The following CSMD1 variants were observed in gnomAD, a reference collection of about 807,000 sequenced individuals.
The protein encoded by CSMD1 is CUB and sushi domain-containing protein 1.
A neutral mutation model predicts 417.5 loss-of-function variants in CSMD1; 213 were observed. The ratio of observed to expected loss-of-function variants is 0.51; its 90% CI spans 0.46 to 0.57. The LOEUF (loss-of-function observed/expected upper bound fraction) is 0.57. CSMD1 is among the 20% of genes least tolerant of loss of function. CSMD1 has a pLI of 0.00. For synonymous variants in CSMD1, 2,862 were observed against 1,736.8 expected, an observed-to-expected ratio of 1.65 and a Z score of -16.11; for missense variants, 6,923 against 4,529.7, an observed-to-expected ratio of 1.53 and a Z score of -15.17.
intron 7 of CSMD1, among the ~76,000 whole-genome samples, chr8:3,639,311 G>A (rs1005249728): frequency 6.6e-6 from 1 of 152,168 alleles, no homozygotes; most frequent in African/African-American, 2.4e-5. Flanking sequence ...TGCTTGGGGT[G>A]TTGTTTCATT....
At chr8:3,453,982 G>C (rs890018390) in intron 12 of CSMD1, among the ~76,000 whole-genome samples, 12 of 152,110 alleles carry the variant, frequency 7.9e-5, no homozygotes, top group African/African-American at 1.2e-4. Context: ...CTTGCTTTAT[G>C]AATCTGGGTG....
intron 3 of CSMD1, among the ~76,000 whole-genome samples, chr8:4,045,508 C>A (rs544963118): frequency 6.6e-6 from 1 of 152,276 alleles, no homozygotes; most frequent in African/African-American, 2.4e-5. Flanking sequence ...AAGACCAGAT[C>A]CAGGGACATC....
At position 4,295,671 on chromosome 8, in the gene CSMD1, T is replaced by C. The variant is rs894417682; in HGVS notation, c.415+124282A>G. On this transcript the variant is annotated intron_variant, in intron 3 of 69. Transcript: ENST00000635120. Reference sequence around the variant, plus strand: ...ATAAAAATATAATCTTAAGATTACATATGTTATATTATACATGTTATATAT... The same window carrying C: ...ATAAAAATATAATCTTAAGATTACACATGTTATATTATACATGTTATATAT... 9.0e-3 allele frequency among the ~76,000 whole-genome samples: 1,302 copies of C among 144,152 alleles called. 19 individuals carry two copies. The highest frequency in any genetic ancestry group is 0.032 in the African/African-American group (1,260 of 39,584). 94.6% of individuals were successfully genotyped at this position (144,152 alleles called of 152,430 possible).
chr8:3,665,555 T>C lies in CSMD1; in HGVS notation c.1009+42859A>G, dbSNP rs75192731. ...AAGATATATATATTTGTCAGGAAAA[T>C]AATTAGTATCTTGATTCCTTACTAT... On this transcript the variant is annotated intron_variant, in intron 7 of 69. Coordinates refer to ENST00000635120, the MANE Select transcript of CSMD1 (RefSeq NM_033225.6). 6.7e-3 allele frequency among the ~76,000 whole-genome samples: 1,019 copies of C among 152,068 alleles called. 45 individuals are homozygous for C. The East Asian group carries it at 0.13, about 20-fold the overall frequency.
At chr8:3,270,771 T>C (rs1801786844) in intron 26 of CSMD1, among the ~76,000 whole-genome samples, 1 of 152,178 alleles carries the variant, frequency 6.6e-6, no homozygotes, top group African/African-American at 2.4e-5. Context: ...ATTAGTCTGT[T>C]TTCATGCTGC....
chr8:3,365,863 T>A (rs1337450815), intron 20 of CSMD1, among the ~76,000 whole-genome samples: 9 of 152,208 alleles, frequency 5.9e-5, no homozygotes, highest in African/African-American at 2.2e-4. Context: ...TGGAACATCA[T>A]CTTACTTATG....
chr8:3,462,617 A>C (rs13277529), intron 12 of CSMD1, among the ~76,000 whole-genome samples: 1 of 152,052 alleles, frequency 6.6e-6, no homozygotes, highest in East Asian at 1.9e-4. Flanking sequence ...AGGGCTCCCA[A>C]TGATTCTACA....
intron 1 of CSMD1, among the ~76,000 whole-genome samples, chr8:4,896,757 G>T (rs1029365231): frequency 6.6e-6 from 1 of 152,056 alleles, no homozygotes; most frequent in African/African-American, 2.4e-5. Flanking sequence ...CAAGATTGAA[G>T]GAATAAGGGA....
chr8:4,564,005 G>A (rs973000911), intron 2 of CSMD1, among the ~76,000 whole-genome samples: 1 of 152,202 alleles, frequency 6.6e-6, no homozygotes, highest in African/African-American at 2.4e-5. Flanking sequence ...AAAATGAGGA[G>A]TTACGCCCAT....
intron 2 of CSMD1, among the ~76,000 whole-genome samples, chr8:4,458,339 G>C (rs945431301): frequency 6.6e-6 from 1 of 152,018 alleles, no homozygotes; most frequent in African/African-American, 2.4e-5. Flanking sequence ...TTAGCTGAAA[G>C]TTATATCAGT....
chr8:3,875,079 G>C (rs6996498), intron 5 of CSMD1, among the ~76,000 whole-genome samples: 1 of 151,786 alleles, frequency 6.6e-6, no homozygotes, highest in African/African-American at 2.4e-5. Flanking sequence ...GACACAGAAA[G>C]GTGCCTGGGG....
chr8:4,717,676 C>A (rs1442544758), intron 1 of CSMD1, among the ~76,000 whole-genome samples: 1 of 151,894 alleles, frequency 6.6e-6, no homozygotes, highest in Non-Finnish European at 1.5e-5. Context: ...ATTTACAGAA[C>A]TGTGATTCCG....
chr8:3,914,701 T>C (rs1260188516), intron 5 of CSMD1, among the ~76,000 whole-genome samples: 1 of 152,140 alleles, frequency 6.6e-6, no homozygotes, highest in Non-Finnish European at 1.5e-5. Context: ...TTGAAAGATG[T>C]CTTTATTTTT....
At chr8:3,396,716 G>C (rs1375898573) in intron 16 of CSMD1, among the ~76,000 whole-genome samples, 1 of 151,964 alleles carries the variant, frequency 6.6e-6, no homozygotes, top group African/African-American at 2.4e-5. Flanking sequence ...TAGACAAATA[G>C]ATTATTCCCA....
intron 5 of CSMD1, among the ~76,000 whole-genome samples, chr8:3,915,242 C>G (rs1413581706): frequency 6.6e-6 from 1 of 151,594 alleles, no homozygotes; most frequent in African/African-American, 2.4e-5. Flanking sequence ...TCTGCCTCTA[C>G]CAAAAATAGA....
intron 3 of CSMD1, among the ~76,000 whole-genome samples, chr8:4,163,085 T>A (rs568575810): frequency 6.6e-6 from 1 of 152,204 alleles, no homozygotes; most frequent in African/African-American, 2.4e-5. Flanking sequence ...GTTTTAGCAA[T>A]GAATAATATT....
chr8:4,978,906 C>G (rs1325541610), intron 1 of CSMD1, among the ~76,000 whole-genome samples: 1 of 152,140 alleles, frequency 6.6e-6, no homozygotes, highest in South Asian at 2.1e-4. Context: ...CCACTGCACT[C>G]CAGCCTGGGC....
Position 4,568,037 on chromosome 8 carries a change from A to G in CSMD1, c.302+69305T>C, listed in dbSNP as rs77367222. Among the ~76,000 whole-genome samples, 682 of 152,314 alleles carry G rather than the reference A, an allele frequency of 4.5e-3. 8 individuals carry two copies. The highest frequency in any genetic ancestry group is 6.8e-3 in the Middle Eastern group (2 of 294). On this transcript the variant is annotated intron_variant, in intron 2 of 69. Coordinates refer to ENST00000635120, the MANE Select transcript of CSMD1 (RefSeq NM_033225.6). ...TCAGAGCCCATTCTAAAATGTGCTT[A>G]TTGCATGTGGACTGATACTGTAAAA...
intron 1 of CSMD1, among the ~76,000 whole-genome samples, chr8:4,826,199 G>A (rs1031363852): frequency 6.6e-6 from 1 of 152,008 alleles, no homozygotes; most frequent in Non-Finnish European, 1.5e-5. Context: ...GTTCATTGTT[G>A]CCTTATTCAC....
Sources: allele counts gnomAD v4.1 joint callset (sites outside exome capture counted in the v4.1 genomes callset), GRCh38; gene constraint gnomAD v4.1.1; transcripts MANE v1.5; gene names NCBI Gene and HGNC (gene_info 2026-07-23, HGNC 2026-07-21).